Variants in CSMD2 observed in about 807,000 individuals in gnomAD.
CSMD2 encodes CUB and Sushi multiple domains 2.
A neutral mutation model predicts 398.5 loss-of-function variants in CSMD2; 130 were observed. The observed-to-expected ratio is 0.33, with a 90% CI of 0.28 to 0.38. The LOEUF is 0.38. CSMD2 is among the 10% of genes least tolerant of loss of function. The pLI, the probability that CSMD2 is intolerant of heterozygous loss-of-function variation, is 1.00. For synonymous variants in CSMD2, 1,828 were observed against 1,908.5 expected, an observed-to-expected ratio of 0.96 and a Z score of 1.10; for missense variants, 3,829 against 4,764.9, an observed-to-expected ratio of 0.80 and a Z score of 5.78.
At chr1:33,769,665 T>TAGA (rs1453411416) in intron 13 of CSMD2, among the ~76,000 whole-genome samples, 1 of 152,180 alleles carries the variant, frequency 6.6e-6, no homozygotes, top group African/African-American at 2.4e-5. Context: ...TGTGTATTCT[T>TAGA]GGCAGGGTAA....
intron 3 of CSMD2, among the ~76,000 whole-genome samples, chr1:33,987,710 A>G (rs1226514332): frequency 2.0e-5 from 3 of 152,036 alleles, no homozygotes; most frequent in African/African-American, 7.3e-5. Flanking sequence ...TACCAGGAGC[A>G]CCTCACCCTT....
chr1:33,948,456 T>G (rs1290790393), intron 3 of CSMD2, among the ~76,000 whole-genome samples: 2 of 152,296 alleles, frequency 1.3e-5, no homozygotes, highest in African/African-American at 2.4e-5. Flanking sequence ...ACAAGAGACA[T>G]GCACACATGT....
At chr1:33,946,905 G>A (rs908880007) in intron 3 of CSMD2, among the ~76,000 whole-genome samples, 2 of 152,100 alleles carry the variant, frequency 1.3e-5, no homozygotes, top group Non-Finnish European at 2.9e-5. Context: ...AAAGTGCTGG[G>A]ATTATAGGCA....
intron 5 of CSMD2, among the ~76,000 whole-genome samples, chr1:33,888,977 A>T (rs113852342): frequency 2.0e-5 from 3 of 152,124 alleles, no homozygotes; most frequent in Admixed American, 6.5e-5. Context: ...TCACCATGTT[A>T]GCCAGGACAG....
At chr1:34,010,697 C>T (rs1436321101) in intron 3 of CSMD2, among the ~76,000 whole-genome samples, 3 of 152,066 alleles carry the variant, frequency 2.0e-5, no homozygotes, top group Non-Finnish European at 2.9e-5. Context: ...CGGCTCACTG[C>T]AAGCTCCGCC....
intron 22 of CSMD2, among the ~76,000 whole-genome samples, chr1:33,707,715 A>G (rs868719433): frequency 1.4e-4 from 19 of 139,728 alleles, no homozygotes; most frequent in African/African-American, 4.8e-4. Context: ...ACACACACAC[A>G]CACACACACA....
At chr1:33,573,310 A>G (rs1251324709) in intron 49 of CSMD2, among the ~76,000 whole-genome samples, 1 of 152,238 alleles carries the variant, frequency 6.6e-6, no homozygotes, top group African/African-American at 2.4e-5. Flanking sequence ...AATACGATCA[A>G]GGATCATTAT....
intron 57 of CSMD2, among the ~76,000 whole-genome samples, chr1:33,544,545 T>C (rs1327998959): frequency 6.6e-6 from 1 of 152,106 alleles, no homozygotes; most frequent in Non-Finnish European, 1.5e-5. Flanking sequence ...ACTGATCTGG[T>C]CATTGATTCT....
At chr1:33,901,942 A>G (rs1358195047) in intron 5 of CSMD2, among the ~76,000 whole-genome samples, 1 of 152,222 alleles carries the variant, frequency 6.6e-6, no homozygotes, top group Non-Finnish European at 1.5e-5. Context: ...CTTCCTTTAT[A>G]TTATCACTCT....
At chr1:33,681,782 A>G (rs534909160) in intron 25 of CSMD2, among the ~76,000 whole-genome samples, 1 of 152,276 alleles carries the variant, frequency 6.6e-6, no homozygotes, top group African/African-American at 2.4e-5. Context: ...CCTGGCAAAC[A>G]TGATGAAACC....
rs1290603550 is a variant in CSMD2, at chr1:33,559,975, G to A, written c.8381-502C>T. Among the ~76,000 whole-genome samples the A allele has an allele frequency of 2.0e-5, 3 of 152,184 alleles. No homozygotes were observed. The highest frequency in any genetic ancestry group is 7.2e-5 in the African/African-American group (3 of 41,448). ...ACTGGGGAAGCAGAGCTGCTGTTTGGAGAGAACCCACTACCTCCAATTCCT... is the reference window on the plus strand; with the variant it reads ...ACTGGGGAAGCAGAGCTGCTGTTTGAAGAGAACCCACTACCTCCAATTCCT... On this transcript the variant is annotated intron_variant, in intron 53 of 70. Transcript: ENST00000373381. This position sits in a 1 kb window ranked among gnomAD's most constrained non-coding sequence, Gnocchi z 4.0.
chr1:33,942,127 A>G (rs751787333), intron 3 of CSMD2, among the ~76,000 whole-genome samples: 1 of 152,226 alleles, frequency 6.6e-6, no homozygotes, highest in Non-Finnish European at 1.5e-5. Flanking sequence ...GAGAGGTGCT[A>G]TTATTATCAT....
chr1:33,739,544 T>A (rs541178402), intron 14 of CSMD2, among the ~76,000 whole-genome samples: 6 of 152,364 alleles, frequency 3.9e-5, no homozygotes, highest in African/African-American at 1.4e-4. Flanking sequence ...GAGCACCTAA[T>A]CCCACTGCAT....
chr1:33,720,080 C>T (rs556587072), intron 19 of CSMD2, among the ~76,000 whole-genome samples: 10 of 152,304 alleles, frequency 6.6e-5, no homozygotes, highest in Admixed American at 3.3e-4. Flanking sequence ...AGGGAGCAAT[C>T]ACAGACAGCA....
At chr1:33,957,833 G>A (rs949697172) in intron 3 of CSMD2, among the ~76,000 whole-genome samples, 2 of 152,070 alleles carry the variant, frequency 1.3e-5, no homozygotes, top group Admixed American at 6.6e-5. Flanking sequence ...TAGAGACACC[G>A]AACAGAACCC....
intron 24 of CSMD2, among the ~76,000 whole-genome samples, chr1:33,696,717 A>G (rs1645431779): frequency 6.6e-6 from 1 of 152,000 alleles, no homozygotes; most frequent in South Asian, 2.1e-4. Flanking sequence ...GGACAACTAG[A>G]TACCTTACCT....
At chr1:33,857,699 G>T (rs1032396619) in intron 5 of CSMD2, among the ~76,000 whole-genome samples, 14 of 152,118 alleles carry the variant, frequency 9.2e-5, no homozygotes, top group African/African-American at 3.4e-4. Flanking sequence ...TAGTTTAGCT[G>T]GGGAATGTAC....
intron 57 of CSMD2, among the ~76,000 whole-genome samples, chr1:33,545,583 C>A (rs1656801700): frequency 6.6e-6 from 1 of 152,156 alleles, no homozygotes; most frequent in Admixed American, 6.5e-5. Context: ...TCTATAAGAG[C>A]ATTAATCCCA....
At chr1:33,837,547 T>C (rs1228205307) in intron 6 of CSMD2, among the ~76,000 whole-genome samples, 2 of 152,202 alleles carry the variant, frequency 1.3e-5, no homozygotes, top group Non-Finnish European at 2.9e-5. Context: ...ACACCCCCGA[T>C]AGTATGCTTA....
Sources: gnomAD v4.1 joint callset for allele counts (sites outside exome capture counted in the v4.1 genomes callset) on GRCh38, gnomAD v4.1.1 for gene constraint, Gnocchi (gnomAD v3.1) non-coding constraint, MANE v1.5 for transcripts, NCBI Gene and HGNC (gene_info 2026-07-23, HGNC 2026-07-21) for gene names.